Variants in ATP8B1 observed in about 807,000 individuals in gnomAD.
The protein encoded by ATP8B1 is ATPase phospholipid transporting 8B1.
A neutral mutation model predicts 149.9 loss-of-function variants in ATP8B1; 80 were observed. The observed-to-expected ratio is 0.53, with a 90% CI of 0.45 to 0.64. The LOEUF is 0.64. Ranked by LOEUF, ATP8B1 falls within the 30% of genes least tolerant of loss-of-function variation. The pLI, the probability that ATP8B1 is intolerant of heterozygous loss-of-function variation, is 0.00. For missense variants in ATP8B1, 1,247 were observed against 1,552.6 expected, an observed-to-expected ratio of 0.80 and a Z score of 3.31; for synonymous variants, 536 against 562.8, an observed-to-expected ratio of 0.95 and a Z score of 0.67.
intron 1 of ATP8B1, among the ~76,000 whole-genome samples, chr18:57,777,211 C>A (rs916956919): frequency 6.6e-6 from 1 of 152,124 alleles, no homozygotes; most frequent in Non-Finnish European, 1.5e-5. Context: ...CTTTTGGGTT[C>A]AAGCAATCTG....
intron 1 of ATP8B1, among the ~76,000 whole-genome samples, chr18:57,758,109 T>A (rs966953088): frequency 1.3e-5 from 2 of 152,118 alleles, no homozygotes; most frequent in Non-Finnish European, 2.9e-5. Context: ...TCCTCCCACC[T>A]CAGTCTCCCG....
At chr18:57,765,801 G>A (rs1402517653) in intron 1 of ATP8B1, among the ~76,000 whole-genome samples, 2 of 151,698 alleles carry the variant, frequency 1.3e-5, no homozygotes, top group South Asian at 2.1e-4. Flanking sequence ...GTGAAACCCC[G>A]TCTTTACTAA....
intron 16 of ATP8B1, 68 bp from the exon 17 acceptor site, chr18:57,671,648 G>GCAAGACCCT: frequency 8.8e-7 from 1 of 1,136,676 alleles, no homozygotes; most frequent in Non-Finnish European, 1.3e-6. Context: ...TTTGAGACAG[G>GCAAGACCCT]GTCTTGCTCT....
chr18:57,731,372 T>G lies in ATP8B1; in HGVS notation c.181+255A>C. The G allele has an allele frequency of 2.5e-5, 5 of 198,682 alleles. 2 individuals carry two copies. The highest frequency in any genetic ancestry group is 1.4e-4 in the South Asian group (2 of 14,232). The allele number at this position is 198,682 out of a possible 1,614,324, so 12.3% of individuals were successfully genotyped here. ...ATATATATATATATATATATATATA[T>G]ATACACACACTAACAAAGACCTTAA... is the stretch of plus-strand genomic sequence containing the variant. On this transcript the variant is annotated intron_variant, in intron 2 of 27. Coordinates refer to ENST00000648908, the MANE Select transcript of ATP8B1 (RefSeq NM_001374385.1).
rs148442717 is a variant in ATP8B1, at chr18:57,796,677, GTTGTTTGT to G, written c.-26+6313_-26+6320del. Among the ~76,000 whole-genome samples the G allele has an allele frequency of 3.9e-5, 6 of 152,160 alleles. No homozygotes were observed. The East Asian group carries it at 5.8e-4, about 15-fold the overall frequency. ...CCCAAGCCAAAGGGTTACCTATGCT[GTTGTTTGT>G]TTGTTTGTTTGTTTGTTTTTGAGAC... On this transcript the variant is annotated intron_variant, in intron 1 of 27. Transcript: ENST00000648908.
chr18:57,648,802 G>T, intron 27 of ATP8B1, 90 bp from the exon 28 acceptor site: 3 of 1,282,588 alleles, frequency 2.3e-6, no homozygotes, highest in Non-Finnish European at 3.3e-6. Context: ...GAACACTGAT[G>T]AACTCCCCTG....
chr18:57,761,787 T>TA (rs1386343252), intron 1 of ATP8B1, among the ~76,000 whole-genome samples: 2 of 151,008 alleles, frequency 1.3e-5, no homozygotes, highest in African/African-American at 2.4e-5. Flanking sequence ...ACCCCATCTC[T>TA]AAAAATACAA....
At chr18:57,760,360 G>A (rs1191227591) in intron 1 of ATP8B1, among the ~76,000 whole-genome samples, 1 of 152,214 alleles carries the variant, frequency 6.6e-6, no homozygotes, top group African/African-American at 2.4e-5. Flanking sequence ...CCTAGAACCA[G>A]CAGAGGGAAA....
intron 24 of ATP8B1, among the ~76,000 whole-genome samples, chr18:57,653,235 T>C (rs1909745559): frequency 1.3e-5 from 2 of 151,920 alleles, no homozygotes; most frequent in Non-Finnish European, 2.9e-5. Flanking sequence ...AAATTATTAT[T>C]GTGGAGACAT....
At chr18:57,650,332 G>T in intron 27 of ATP8B1, 35 bp downstream of exon 27, 1 of 1,607,524 alleles carries the variant, frequency 6.2e-7, no homozygotes, top group South Asian at 1.1e-5. Flanking sequence ...GTTTCTGTGA[G>T]GGACAGAGTT....
intron 13 of ATP8B1, 115 bp from the exon 14 acceptor site, chr18:57,685,230 C>T: frequency 8.9e-7 from 1 of 1,122,708 alleles, no homozygotes; most frequent in Admixed American, 2.2e-5. Context: ...CCTGGACAGG[C>T]TAAAATATTT....
At chr18:57,730,802 CATATATATAT>C (rs927338067) in intron 2 of ATP8B1, among the ~76,000 whole-genome samples, 1 of 11,070 alleles carries the variant, frequency 9.0e-5, no homozygotes, top group African/African-American at 2.0e-4. Context: ...AGACCATATA[CATATATATAT>C]ATATATATAT....
intron 22 of ATP8B1, among the ~76,000 whole-genome samples, chr18:57,655,823 G>A (rs938550949): frequency 3.3e-5 from 5 of 152,136 alleles, no homozygotes; most frequent in African/African-American, 1.2e-4. Context: ...ACTACAAATC[G>A]GCTCCCCCAA....
intron 1 of ATP8B1, among the ~76,000 whole-genome samples, chr18:57,794,427 A>G (rs1002679979): frequency 1.3e-4 from 19 of 149,556 alleles, no homozygotes; most frequent in African/African-American, 4.7e-4. Flanking sequence ...TTGCCTTGCC[A>G]TGGATTCTAC....
intron 10 of ATP8B1, 48 bp from the exon 11 acceptor site, chr18:57,694,718 C>A: frequency 8.2e-7 from 1 of 1,217,546 alleles, no homozygotes; most frequent in South Asian, 1.2e-5. Context: ...AAAATCAATT[C>A]ACTAGCTCAC....
In ATP8B1 at chr18:57,801,733, A is replaced by G. The variant is rs1289604619; in HGVS notation, c.-26+1265T>C. On this transcript the variant is annotated intron_variant, in intron 1 of 27. Coordinates refer to ENST00000648908, the MANE Select transcript of ATP8B1 (RefSeq NM_001374385.1). Reference sequence around the variant, plus strand: ...CATCCCACTAGTTTTTTCTTTTTTTAGTTTCCCATGGGTAGTGGCAAAATT... The same window carrying G: ...CATCCCACTAGTTTTTTCTTTTTTTGGTTTCCCATGGGTAGTGGCAAAATT... Among the ~76,000 whole-genome samples, 3 of 151,910 alleles carry G rather than the reference A, an allele frequency of 2.0e-5. No homozygotes were observed. In the East Asian group the frequency reaches 5.8e-4, roughly 29 times the overall value.
chr18:57,776,740 TC>T (rs1273964727), intron 1 of ATP8B1, among the ~76,000 whole-genome samples: 17 of 152,034 alleles, frequency 1.1e-4, no homozygotes, highest in Non-Finnish European at 2.4e-4. Flanking sequence ...TGTGAAGCCT[TC>T]TTTGGGAGAA....
intron 1 of ATP8B1, among the ~76,000 whole-genome samples, chr18:57,768,338 G>A (rs4511620): frequency 0.43 from 56,890 of 132,812 alleles, 11,495 homozygotes; most frequent in Middle Eastern, 0.53. Context: ...AGTGAGCAAA[G>A]ATCATGCCAC....
intron 1 of ATP8B1, among the ~76,000 whole-genome samples, chr18:57,764,106 G>T (rs937992759): frequency 6.6e-6 from 1 of 152,112 alleles, no homozygotes; most frequent in Non-Finnish European, 1.5e-5. Flanking sequence ...GGTCACTCTC[G>T]CTTTAGCAGT....
Sources: gnomAD v4.1 joint callset for allele counts (sites outside exome capture counted in the v4.1 genomes callset) on GRCh38, gnomAD v4.1.1 for gene constraint, MANE v1.5 for transcripts, NCBI Gene and HGNC (gene_info 2026-07-23, HGNC 2026-07-21) for gene names.